Variants in GABPA observed in about 807,000 individuals in gnomAD.
The protein encoded by GABPA is GA-binding protein alpha chain.
A neutral mutation model predicts 59.4 loss-of-function variants in GABPA; 4 were observed. The observed-to-expected ratio is 0.07, with a 90% confidence interval of 0.03 to 0.15. The LOEUF (loss-of-function observed/expected upper bound fraction) is 0.15. Ranked by LOEUF, GABPA falls within the 10% of genes least tolerant of loss-of-function variation. The pLI, the probability that GABPA is intolerant of heterozygous loss-of-function variation, is 1.00. For synonymous variants in GABPA, 164 were observed against 183.1 expected, an observed-to-expected ratio of 0.90 and a Z score of 0.84; for missense variants, 251 against 543.8, an observed-to-expected ratio of 0.46 and a Z score of 5.36.
Position 25,763,350 on chromosome 21 carries a change from G to A in GABPA, c.803-860G>A, listed in dbSNP as rs979855971. The A allele has an allele frequency of 2.0e-5, 5 of 255,960 alleles. No individual in the cohort carries two copies. The Admixed American group carries it at 2.2e-4, about 11-fold the overall frequency. 15.9% of individuals were successfully genotyped at this position (255,960 alleles called of 1,614,324 possible). ...TTTAGCTATGTTTTACCTGAGGTACGAACACACACGTCACAAGATCATCCC... is the reference window on the plus strand; with the variant it reads ...TTTAGCTATGTTTTACCTGAGGTACAAACACACACGTCACAAGATCATCCC... On this transcript the variant is annotated intron_variant, in intron 7 of 9. Transcript: ENST00000400075.
intron 5 of GABPA, among the ~76,000 whole-genome samples, chr21:25,756,226 CTTTG>C (rs767953688): frequency 1.3e-5 from 2 of 152,006 alleles, no homozygotes; most frequent in Non-Finnish European, 2.9e-5. Flanking sequence ...GTGAAATTAA[CTTTG>C]TTTTTCTTTT....
intron 2 of GABPA, among the ~76,000 whole-genome samples, chr21:25,743,575 T>C (rs1408181730): frequency 6.7e-6 from 1 of 150,064 alleles, no homozygotes; most frequent in Non-Finnish European, 1.5e-5. Context: ...TCTAGTAGTA[T>C]GAGATCATCT....
At chr21:25,761,584 T>A (rs2035767691) in intron 6 of GABPA, among the ~76,000 whole-genome samples, 1 of 152,146 alleles carries the variant, frequency 6.6e-6, no homozygotes, top group Non-Finnish European at 1.5e-5. Flanking sequence ...TAGTTTCAAT[T>A]TCAAGAGAGA....
In GABPA at chr21:25,762,356, A is replaced by T; in HGVS notation, c.793A>T (p.Ile265Phe). 1.3e-6 allele frequency: 2 copies of T among 1,576,926 alleles called. No individual in the cohort carries two copies. The highest frequency in any genetic ancestry group is 1.7e-6 in the Non-Finnish European group (2 of 1,160,478). Residue 265 changes from isoleucine (I) to phenylalanine (F), a missense_variant, in exon 7 of 10, where the codon ATT becomes TTT. Physicochemically the swap from Ile to Phe is conservative, Grantham distance 21 (BLOSUM62 0). Transcript: ENST00000400075. Reference protein sequence around the residue: ...QEQQMNEIVTIDQPVQIIPAS... With the variant: ...QEQQMNEIVTFDQPVQIIPAS... ...ACAACAGATGAATGAAATAGTTACA[A>T]TTGATCAACGTGAGTATTTGTACCT...
intron 5 of GABPA, among the ~76,000 whole-genome samples, chr21:25,753,314 T>C (rs71651604): frequency 2.4e-4 from 37 of 152,314 alleles, no homozygotes; most frequent in Non-Finnish European, 4.9e-4. Flanking sequence ...AGATTTGGGC[T>C]GGAGACAAAG....
At chr21:25,749,210 C>T (rs2035445775) in intron 4 of GABPA, 90 bp downstream of exon 4, 3 of 738,362 alleles carry the variant, frequency 4.1e-6, no homozygotes, top group South Asian at 1.7e-5. Context: ...CGATGGTTGT[C>T]TACATTACTT....
chr21:25,736,827 A>T (rs1247467769), intron 1 of GABPA, among the ~76,000 whole-genome samples: 1 of 152,196 alleles, frequency 6.6e-6, no homozygotes, highest in Admixed American at 6.5e-5. Context: ...ATAGATATGT[A>T]TGCTTTGCTT....
chr21:25,751,222 T>C (rs899818863), intron 4 of GABPA, among the ~76,000 whole-genome samples: 3 of 151,586 alleles, frequency 2.0e-5, no homozygotes, highest in African/African-American at 7.3e-5. Context: ...ATGGCATAAT[T>C]TCTTGGCTTA....
chr21:25,736,615 A>G (rs1024253561), intron 1 of GABPA, among the ~76,000 whole-genome samples: 8 of 152,238 alleles, frequency 5.3e-5, no homozygotes, highest in African/African-American at 1.9e-4. Flanking sequence ...ATCATGAGCT[A>G]GATGTTAGGT....
Position 25,761,390 on chromosome 21 carries a change from A to G in GABPA, c.749-922A>G, listed in dbSNP as rs997661747. Among the ~76,000 whole-genome samples the G allele has an allele frequency of 1.3e-5, 2 of 152,310 alleles. 1 individual carries two copies. Reference sequence around the variant, plus strand: ...TCCAGATCTGTCTGAAGCCAGTCCCATATAATTCTTAAGTCCTCAGTCTTC... The same window carrying G: ...TCCAGATCTGTCTGAAGCCAGTCCCGTATAATTCTTAAGTCCTCAGTCTTC... On this transcript the variant is annotated intron_variant, in intron 6 of 9. Coordinates refer to ENST00000400075, the MANE Select transcript of GABPA (RefSeq NM_002040.4).
At chr21:25,762,942 C>A in intron 7 of GABPA, 1 of 351,986 alleles carries the variant, frequency 2.8e-6, no homozygotes, top group Non-Finnish European at 5.5e-6. Context: ...AAGAGTCTAC[C>A]AGGGCAAACC....
rs980863769 is a variant in GABPA at position 25,757,966 on chromosome 21, T to C, written c.554-44T>C. The C allele has an allele frequency of 8.2e-6, 10 of 1,217,538 alleles. No homozygotes were observed. The Middle Eastern group carries it at 8.9e-4, about 109-fold the overall frequency. The allele number at this position is 1,217,538 out of a possible 1,614,324, so 75.4% of individuals were successfully genotyped here. ...AGAAGTTAACTGTAAATTTACACAG[T>C]ATCTAAAATGGAACTAGGCTAAAGT... On this transcript the variant is annotated intron_variant, in intron 5 of 9. Transcript: ENST00000400075.
At chr21:25,743,448 C>G (rs1601114391) in intron 2 of GABPA, among the ~76,000 whole-genome samples, 1 of 152,120 alleles carries the variant, frequency 6.6e-6, no homozygotes, top group South Asian at 2.1e-4. Flanking sequence ...TACTATCTGA[C>G]CTTTTGTGGA....
intron 9 of GABPA, among the ~76,000 whole-genome samples, chr21:25,766,043 A>G (rs538798199): frequency 6.6e-6 from 1 of 152,150 alleles, no homozygotes; most frequent in South Asian, 2.1e-4. Flanking sequence ...CTCTAAAGTT[A>G]CAGTAATAAG....
chr21:25,772,162 T>A lies in GABPA; in HGVS notation c.*2930T>A, dbSNP rs1177988058. On this transcript the variant is annotated 3_prime_UTR_variant, in exon 10 of 10. Coordinates refer to ENST00000400075, the MANE Select transcript of GABPA (RefSeq NM_002040.4). The stretch of plus-strand genomic sequence containing the variant: ...TTGCAAAACAAATCTGTGACTAACT[T>A]AATGTCTTCAGATCTAAAGGGTGTA... 2 of 151,946 alleles carry A rather than the reference T, an allele frequency of 1.3e-5. No individual in the cohort carries two copies. Among genetic ancestry groups the A allele is most frequent in the Non-Finnish European group, 2.9e-5 (2 of 67,810 alleles). 9.4% of individuals were successfully genotyped at this position (151,946 alleles called of 1,614,324 possible). A position where few individuals can be genotyped will look rare whatever the true frequency, so the allele number is the denominator to read the frequency against.
intron 7 of GABPA, chr21:25,763,118 A>T: frequency 2.1e-6 from 1 of 477,328 alleles, no homozygotes; most frequent in South Asian, 1.8e-5. Flanking sequence ...CTCCATTTTC[A>T]TGTCATCTTT....
chr21:25,746,278 G>A (rs866442338), intron 3 of GABPA, among the ~76,000 whole-genome samples: 1 of 152,134 alleles, frequency 6.6e-6, no homozygotes, highest in African/African-American at 2.4e-5. Flanking sequence ...GCCTCCCAAA[G>A]TGCTAGGATT....
intron 9 of GABPA, among the ~76,000 whole-genome samples, chr21:25,765,371 T>C (rs544175142): frequency 4.2e-4 from 64 of 152,140 alleles, no homozygotes; most frequent in African/African-American, 1.4e-3. Context: ...TATAGTAAAA[T>C]AGTTCTGCAA....
At chr21:25,747,846 GA>G (rs1278558467) in intron 3 of GABPA, among the ~76,000 whole-genome samples, 5 of 152,146 alleles carry the variant, frequency 3.3e-5, no homozygotes, top group African/African-American at 7.2e-5. Context: ...AATTTTTAAT[GA>G]AATGTATATT....
Sources: gnomAD v4.1 joint callset for allele counts (sites outside exome capture counted in the v4.1 genomes callset) on GRCh38, gnomAD v4.1.1 for gene constraint, MANE v1.5 for transcripts, NCBI Gene and HGNC (gene_info 2026-07-23, HGNC 2026-07-21) for gene names.